Variants in OLA1 observed in about 807,000 individuals in gnomAD.
OLA1 encodes obg-like ATPase 1.
In OLA1, 14 loss-of-function variants were observed where a neutral mutation model predicts 48.4. The observed-to-expected ratio is 0.29, with a 90% CI of 0.19 to 0.45. The LOEUF (loss-of-function observed/expected upper bound fraction) is 0.45. Among genes scored for constraint, OLA1 ranks in the 20% least tolerant of loss-of-function variants. OLA1 has a pLI of 1.00. For synonymous variants in OLA1, 127 were observed against 150.4 expected (o/e 0.84, Z 1.14); for missense variants, 325 against 467.1 (o/e 0.70, Z 2.80).
chr2:174,198,336 G>A (rs1298238484), intron 4 of OLA1, among the ~76,000 whole-genome samples: 3 of 152,194 alleles, frequency 2.0e-5, no homozygotes, highest in African/African-American at 7.2e-5. Flanking sequence ...TCATTTACAT[G>A]CACTTGTAGG....
intron 7 of OLA1, among the ~76,000 whole-genome samples, chr2:174,114,619 A>T (rs1215131032): frequency 6.6e-6 from 1 of 152,194 alleles, no homozygotes; most frequent in Non-Finnish European, 1.5e-5. Flanking sequence ...CATTTCCCAC[A>T]GCCCCATAAT....
chr2:174,086,981 G>C (rs189087492), intron 7 of OLA1, among the ~76,000 whole-genome samples: 117 of 151,846 alleles, frequency 7.7e-4, no homozygotes, highest in African/African-American at 2.2e-3. Context: ...TTGGCACCTA[G>C]AGAGTCCTTT....
intron 3 of OLA1, 45 bp from the exon 4 acceptor site, chr2:174,223,205 TTATC>T (rs1227717366): frequency 1.9e-6 from 3 of 1,558,224 alleles, no homozygotes; most frequent in South Asian, 1.1e-5. Flanking sequence ...TACTAAAAAC[TTATC>T]TATCAACCAA....
At chr2:174,082,326 G>A (rs896287451) in intron 7 of OLA1, among the ~76,000 whole-genome samples, 1 of 151,944 alleles carries the variant, frequency 6.6e-6, no homozygotes, top group African/African-American at 2.4e-5. Flanking sequence ...ACTTTTTTTA[G>A]TTACACTAAA....
intron 4 of OLA1, among the ~76,000 whole-genome samples, chr2:174,167,824 C>T (rs1472203671): frequency 6.6e-6 from 1 of 152,174 alleles, no homozygotes; most frequent in African/African-American, 2.4e-5. Flanking sequence ...AGTACTGGTA[C>T]ATAAAACTGA....
rs149149102 is a variant in OLA1 at position 174,201,755 on chromosome 2, T to G, written c.373+21278A>C. Among the ~76,000 whole-genome samples, 583 of 152,238 alleles carry G rather than the reference T, an allele frequency of 3.8e-3. 3 individuals are homozygous for G. The highest frequency in any genetic ancestry group is 0.013 in the African/African-American group (552 of 41,538). ...ACATTAATCCTCAATAAATAAAGCCTCTCATAAAAGTACATTGTTACCATT... is the reference window on the plus strand; with the variant it reads ...ACATTAATCCTCAATAAATAAAGCCGCTCATAAAAGTACATTGTTACCATT... On this transcript the variant is annotated intron_variant, in intron 4 of 10. Transcript: ENST00000284719.
At chr2:174,215,826 T>C (rs577911996) in intron 4 of OLA1, among the ~76,000 whole-genome samples, 45 of 152,338 alleles carry the variant, frequency 3.0e-4, no homozygotes, top group African/African-American at 1.0e-3. Context: ...CCACCTCCGG[T>C]TGCTATTGGG....
chr2:174,166,110 G>T (rs1475960115), intron 4 of OLA1, among the ~76,000 whole-genome samples: 2 of 139,552 alleles, frequency 1.4e-5, no homozygotes, highest in Non-Finnish European at 3.0e-5. Context: ...GGGCAACAGA[G>T]TGAGACTCCA....
chr2:174,078,672 G>A (rs1358105406), intron 10 of OLA1, among the ~76,000 whole-genome samples: 2 of 151,758 alleles, frequency 1.3e-5, no homozygotes, highest in Non-Finnish European at 2.9e-5. Context: ...TTGGCCATGA[G>A]TGAACAAATT....
intron 7 of OLA1, among the ~76,000 whole-genome samples, chr2:174,117,816 T>C (rs1448546953): frequency 1.3e-5 from 2 of 152,198 alleles, no homozygotes; most frequent in African/African-American, 4.8e-5. Context: ...CCCGAGGTCC[T>C]GCCCTATATT....
intron 2 of OLA1, 86 bp downstream of exon 2, chr2:174,246,622 CTTAAAGT>C: frequency 2.4e-6 from 2 of 823,066 alleles, no homozygotes; most frequent in Non-Finnish European, 4.0e-6. Context: ...TTTTCTTCAA[CTTAAAGT>C]TTAATTACCT....
intron 5 of OLA1, among the ~76,000 whole-genome samples, chr2:174,126,996 A>G (rs150619851): frequency 6.6e-6 from 1 of 152,356 alleles, no homozygotes; most frequent in East Asian, 1.9e-4. Flanking sequence ...CTATCTTTTA[A>G]CTGCAAAGAA....
At chr2:174,081,900 T>C in intron 8 of OLA1, 24 bp downstream of exon 8, 1 of 1,607,304 alleles carries the variant, frequency 6.2e-7, no homozygotes, top group Non-Finnish European at 8.5e-7. Flanking sequence ...TAATAAAGTG[T>C]AGGGAAAATG....
intron 4 of OLA1, among the ~76,000 whole-genome samples, chr2:174,218,356 C>CGTGA (rs1243206166): frequency 2.0e-5 from 3 of 151,924 alleles, no homozygotes; most frequent in Non-Finnish European, 4.4e-5. Flanking sequence ...ACACTTCTCA[C>CGTGA]AAAGCTTTCC....
chr2:174,247,611 G>T, intron 1 of OLA1: 1 of 1,548,386 alleles, frequency 6.5e-7, no homozygotes, highest in Non-Finnish European at 8.7e-7. Flanking sequence ...TCTATAATCT[G>T]GAATCTTATC....
chr2:174,132,324 C>T (rs1490940821), intron 5 of OLA1, among the ~76,000 whole-genome samples: 1 of 151,724 alleles, frequency 6.6e-6, no homozygotes, highest in African/African-American at 2.4e-5. Flanking sequence ...CTTTTTATTA[C>T]ATGCTTCTTT....
At chr2:174,168,581 A>C (rs928637229) in intron 4 of OLA1, among the ~76,000 whole-genome samples, 3 of 152,194 alleles carry the variant, frequency 2.0e-5, no homozygotes, top group African/African-American at 7.2e-5. Context: ...AAAAATTTTA[A>C]GTGTCTATTA....
chr2:174,214,018 C>A (rs968191371), intron 4 of OLA1, among the ~76,000 whole-genome samples: 93 of 149,882 alleles, frequency 6.2e-4, no homozygotes, highest in Non-Finnish European at 1.2e-3. Flanking sequence ...AAAAAAAAAA[C>A]CCAACAATGC....
chr2:174,167,295 C>T (rs912843656), intron 4 of OLA1, among the ~76,000 whole-genome samples: 4 of 152,154 alleles, frequency 2.6e-5, no homozygotes, highest in Non-Finnish European at 5.9e-5. Context: ...CAATCCTTAG[C>T]CCAGGCGCAG....
Sources: allele counts gnomAD v4.1 joint callset (sites outside exome capture counted in the v4.1 genomes callset), GRCh38; gene constraint gnomAD v4.1.1; transcripts MANE v1.5; gene names NCBI Gene and HGNC (gene_info 2026-07-23, HGNC 2026-07-21).